The following LPCAT3 variants were observed in gnomAD, a reference collection of about 807,000 sequenced individuals.
LPCAT3 encodes the protein lysophosphatidylcholine acyltransferase 3.
LPCAT3 carries 21 observed loss-of-function variants against 63.4 expected under a neutral mutation model. The observed-to-expected ratio is 0.33, with a 90% CI of 0.23 to 0.48. The LOEUF is 0.48. LPCAT3 is among the 20% of genes least tolerant of loss of function. The probability of loss-of-function intolerance (pLI) is 0.99; values close to 1 mark genes in which losing one functional copy is unlikely to be tolerated. For missense variants in LPCAT3, 451 were observed against 590.6 expected (o/e 0.76, Z 2.45); for synonymous variants, 242 against 227.5 (o/e 1.06, Z -0.58).
At chr12:6,985,374 C>T (rs1004489917) in intron 1 of LPCAT3, among the ~76,000 whole-genome samples, 7 of 151,290 alleles carry the variant, frequency 4.6e-5, no homozygotes, top group East Asian at 1.9e-4. Context: ...CCAGCCTGGG[C>T]GACAGAGCGA....
intron 6 of LPCAT3, chr12:6,980,733 G>C: frequency 3.6e-6 from 1 of 280,950 alleles, no homozygotes; most frequent in Non-Finnish European, 6.6e-6. Flanking sequence ...ATGAAAATAG[G>C]CTTTAAAGGC....
chr12:6,979,041 A>G, intron 7 of LPCAT3: 1 of 307,404 alleles, frequency 3.3e-6, no homozygotes, highest in East Asian at 6.9e-5. Context: ...GCCCAGAATT[A>G]CTGAACTGTT....
chr12:6,979,417 T>C, intron 7 of LPCAT3, 54 bp downstream of exon 7: 1 of 1,314,950 alleles, frequency 7.6e-7, no homozygotes, highest in Non-Finnish European at 1.1e-6. Context: ...TCCTTGCCTG[T>C]CCATTTTCTA....
intron 1 of LPCAT3, among the ~76,000 whole-genome samples, chr12:7,008,355 A>G (rs936655128): frequency 6.6e-6 from 1 of 152,112 alleles, no homozygotes; most frequent in Admixed American, 6.6e-5. Flanking sequence ...AAATGTCAAT[A>G]CACACACACT....
At chr12:6,984,800 GC>G (rs1555154595) in intron 1 of LPCAT3, among the ~76,000 whole-genome samples, 1 of 152,084 alleles carries the variant, frequency 6.6e-6, no homozygotes, top group Non-Finnish European at 1.5e-5. Flanking sequence ...GCCCAGGCTG[GC>G]CTTGACCTCC....
intron 6 of LPCAT3, among the ~76,000 whole-genome samples, chr12:6,980,457 G>A (rs909031977): frequency 6.6e-6 from 1 of 152,112 alleles, no homozygotes; most frequent in African/African-American, 2.4e-5. Context: ...CTGGACTCAA[G>A]CAATTCTCCC....
chr12:6,991,926 G>A (rs1172579907), intron 1 of LPCAT3, among the ~76,000 whole-genome samples: 1 of 151,978 alleles, frequency 6.6e-6, no homozygotes, highest in East Asian at 1.9e-4. Context: ...ATCAGGCATG[G>A]TGGCCCACAC....
chr12:7,003,445 C>A (rs1380896337), intron 1 of LPCAT3, among the ~76,000 whole-genome samples: 1 of 151,516 alleles, frequency 6.6e-6, no homozygotes, highest in East Asian at 1.9e-4. Context: ...ATTCTACTAT[C>A]CATTGGTTTT....
chr12:7,014,211 C>A (rs1320338096), intron 1 of LPCAT3, among the ~76,000 whole-genome samples: 1 of 152,212 alleles, frequency 6.6e-6, no homozygotes, highest in Non-Finnish European at 1.5e-5. Context: ...ATTTCCTATA[C>A]CCTAACAGAC....
intron 1 of LPCAT3, among the ~76,000 whole-genome samples, chr12:6,990,524 A>AT (rs1555155358): frequency 1.5e-4 from 20 of 131,044 alleles, no homozygotes; most frequent in Admixed American, 3.9e-4. Context: ...GAAAATTAAA[A>AT]TAAAATAAAT....
intron 1 of LPCAT3, among the ~76,000 whole-genome samples, chr12:7,008,476 C>T (rs146783956): frequency 5.4e-4 from 82 of 152,244 alleles, no homozygotes; most frequent in African/African-American, 1.7e-3. Context: ...AGCTACAAGT[C>T]ACAATTTATT....
intron 1 of LPCAT3, among the ~76,000 whole-genome samples, chr12:7,003,928 C>CAAAAA (rs781922909): frequency 1.7e-4 from 11 of 63,436 alleles, no homozygotes; most frequent in South Asian, 1.2e-3. Flanking sequence ...GACTCCGTCT[C>CAAAAA]AAAAAAAAAA....
At position 7,016,478 on chromosome 12, in the gene LPCAT3, T is replaced by C. The variant is rs1045490612; in HGVS notation, c.151+1796A>G. Among the ~76,000 whole-genome samples, 11 of 152,092 alleles carry C rather than the reference T, an allele frequency of 7.2e-5. 1 individual carries two copies. The highest frequency in any genetic ancestry group is 2.7e-4 in the African/African-American group (11 of 41,414). The stretch of plus-strand genomic sequence containing the variant: ...TTTTAGGAGAGATGGGGTTTCACCA[T>C]GTTGGCCAGGCTGGTCTCAAACTCC... On this transcript the variant is annotated intron_variant, in intron 1 of 12. Transcript: ENST00000261407.
intron 4 of LPCAT3, 80 bp downstream of exon 4, chr12:6,981,731 A>AG (rs1325493919): frequency 7.5e-5 from 16 of 212,166 alleles, no homozygotes; most frequent in East Asian, 6.9e-4. Context: ...CGGGGGGCGG[A>AG]GGGGGGGTGC....
At chr12:7,000,890 G>A (rs1353774339) in intron 1 of LPCAT3, among the ~76,000 whole-genome samples, 3 of 151,854 alleles carry the variant, frequency 2.0e-5, no homozygotes, top group Non-Finnish European at 2.9e-5. Flanking sequence ...TGTATTTTTA[G>A]TGGAGACGGG....
chr12:6,977,818 T>G lies in LPCAT3; in HGVS notation c.1041-73A>C, dbSNP rs782632649. 1.3e-5 allele frequency: 20 copies of G among 1,560,072 alleles called. No homozygotes were observed. The highest frequency in any genetic ancestry group is 1.7e-5 in the Non-Finnish European group (19 of 1,136,808). On this transcript the variant is annotated intron_variant, in intron 9 of 12. Coordinates refer to ENST00000261407, the MANE Select transcript of LPCAT3 (RefSeq NM_005768.6). This position sits in a 1 kb window ranked among gnomAD's most constrained non-coding sequence, Gnocchi z 4.5. ...CATCCCGCCACCTGCCTCTGGGTCC[T>G]CACCCTGAGGATTGGATTGGAGTGC...
intron 1 of LPCAT3, among the ~76,000 whole-genome samples, chr12:7,007,492 GC>G (rs1391902031): frequency 7.2e-6 from 1 of 139,148 alleles, no homozygotes; most frequent in Non-Finnish European, 1.5e-5. Flanking sequence ...ATTGACAAAA[GC>G]TTTTTTTTTT....
intron 1 of LPCAT3, among the ~76,000 whole-genome samples, chr12:6,996,583 C>T (rs1020643446): frequency 3.9e-5 from 6 of 152,146 alleles, no homozygotes; most frequent in Non-Finnish European, 5.9e-5. Context: ...GCTGAATGGC[C>T]GAACAATGAG....
Position 7,001,626 on chromosome 12 carries a change from G to A in LPCAT3, c.151+16648C>T, listed in dbSNP as rs143440364. 3.8e-3 allele frequency: 1,565 copies of A among 412,664 alleles called. 19 individuals are homozygous for A. Among genetic ancestry groups the A allele is most frequent in the African/African-American group, 0.03 (1,448 of 48,584 alleles). The allele number at this position is 412,664 out of a possible 1,614,324, so 25.6% of individuals were successfully genotyped here. On this transcript the variant is annotated intron_variant, in intron 1 of 12. Transcript: ENST00000261407. The stretch of plus-strand genomic sequence containing the variant: ...GGGCTGGGGCTGACAGGTAGGCAGA[G>A]TTGGCTGGGATGTGAGGTGCAAGGG...
Sources: gnomAD v4.1 joint callset for allele counts (sites outside exome capture counted in the v4.1 genomes callset) on GRCh38, gnomAD v4.1.1 for gene constraint, Gnocchi (gnomAD v3.1) non-coding constraint, MANE v1.5 for transcripts, NCBI Gene and HGNC (gene_info 2026-07-23, HGNC 2026-07-21) for gene names.